Variants in DUOX2 observed in about 807,000 individuals in gnomAD.
DUOX2 encodes dual oxidase 2.
Under a neutral mutation model 183.3 loss-of-function variants are expected in DUOX2, and 185 were observed. The ratio of observed to expected loss-of-function variants is 1.01; its 90% CI spans 0.90 to 1.14. The LOEUF is 1.14. DUOX2 is among the 50% of genes most tolerant of loss of function. The pLI is 0.00. For synonymous variants in DUOX2, 788 were observed against 812.4 expected (o/e 0.97, Z 0.51); for missense variants, 1,999 against 2,022.9 (o/e 0.99, Z 0.23).
chr15:45,105,962 G>T, intron 17 of DUOX2, 134 bp from the exon 18 acceptor site: 1 of 1,379,948 alleles, frequency 7.2e-7, no homozygotes, highest in Non-Finnish European at 1.0e-6. Flanking sequence ...CCAGGTGTGT[G>T]GACGAAGGGG....
At chr15:45,095,635 C>G in intron 30 of DUOX2, 40 bp from the exon 31 acceptor site, 1 of 1,613,912 alleles carries the variant, frequency 6.2e-7, no homozygotes, top group Non-Finnish European at 8.5e-7. Context: ...CCTGACCCTG[C>G]CCCAGCTCTG....
chr15:45,106,980 G>C lies in DUOX2; in HGVS notation c.1694-11C>G, dbSNP rs767088179. On this transcript the variant is annotated splice_polypyrimidine_tract_variant and intron_variant, in intron 14 of 33. Transcript: ENST00000389039. ...GAGGGCAGGGTGCACCTGAGGGAGA[G>C]GGCAGGGAAGACCTCAAAGTCTGAG... 5.1e-6 allele frequency: 8 copies of C among 1,569,876 alleles called. No homozygotes were observed. In the Admixed American group the frequency reaches 9.6e-5, roughly 19 times the overall value.
At chr15:45,101,027 G>C in intron 22 of DUOX2, 178 bp downstream of exon 22, 1 of 710,534 alleles carries the variant, frequency 1.4e-6, no homozygotes, top group Non-Finnish European at 2.5e-6. Context: ...CAGGGAGAGA[G>C]CCAAGCATCC....
rs556008835 is a variant in DUOX2 at position 45,094,602 on chromosome 15, G to A, written c.4485C>T (p.Phe1495=). Residue 1495 remains phenylalanine (F), a synonymous_variant, in exon 33 of 34, where the codon TTC becomes TTT. Coordinates refer to ENST00000389039, the MANE Select transcript of DUOX2 (RefSeq NM_001363711.2). ...RSITHFGRPP[F]EPFFNSLQEV... ...CCTGCAGGGAGTTGAAGAAGGGCTC[G>A]AAGGGGGGACGGCCAAAGTGGGTGA... 42 of 1,614,034 alleles carry A rather than the reference G, an allele frequency of 2.6e-5. No individual in the cohort carries two copies. Among genetic ancestry groups the A allele is most frequent in the Middle Eastern group, 1.7e-4 (1 of 6,056 alleles).
Position 45,097,667 on chromosome 15 carries a change from T to G in DUOX2, c.3640A>C (p.Ser1214Arg). ...TGGGTCAGCCAGAAGCCCCGGAAGC[T>G]GCGGCGGCGGAAGTGGTGGGAGGCG... ...VFASHHFRRR[S>R]FRGFWLTHHL... The change falls in exon 28 of 34, where the codon AGC becomes CGC. Residue 1214 changes from serine to arginine, a missense_variant. Ser to Arg is a moderately radical substitution (Grantham distance 110). This residue lies in a region of DUOX2 where 1,628 missense variants were observed against 1,608.6 expected (regional missense o/e 1.01). Coordinates refer to ENST00000389039, the MANE Select transcript of DUOX2 (RefSeq NM_001363711.2). The G allele has an allele frequency of 1.2e-6, 2 of 1,614,200 alleles. No homozygotes were observed. The highest frequency in any genetic ancestry group is 1.7e-6 in the Non-Finnish European group (2 of 1,180,044).
chr15:45,104,442 A>T, intron 18 of DUOX2, 77 bp from the exon 19 acceptor site: 4 of 1,546,142 alleles, frequency 2.6e-6, no homozygotes, highest in Non-Finnish European at 3.5e-6. Context: ...GTGACCCTTC[A>T]TATCTCCCCA....
Position 45,107,850 on chromosome 15 carries a change from C to CAA in DUOX2, c.1574+195_1574+196dup, listed in dbSNP as rs36025213. ...TGGGTGACAAAGCTAGACTCTGCCT[C>CAA]AAAAAAAAAAAAAAAAAAAAAAGAA... On this transcript the variant is annotated intron_variant, in intron 13 of 33. Transcript: ENST00000389039. Among the ~76,000 whole-genome samples the CAA allele has an allele frequency of 0.035, 1,688 of 48,384 alleles. 84 individuals are homozygous for CAA. The highest frequency in any genetic ancestry group is 0.066 in the East Asian group (88 of 1,342). The allele number at this position is 48,384 out of a possible 152,430, so 31.7% of individuals were successfully genotyped here.
chr15:45,095,353 G>A, intron 31 of DUOX2, 84 bp downstream of exon 31: 2 of 1,581,452 alleles, frequency 1.3e-6, no homozygotes, highest in Non-Finnish European at 1.7e-6. Flanking sequence ...GGAGCCAGGA[G>A]CTTTCTCTCA....
At chr15:45,101,368 G>A in intron 21 of DUOX2, 94 bp from the exon 22 acceptor site, 1 of 1,085,846 alleles carries the variant, frequency 9.2e-7, no homozygotes, top group Admixed American at 1.9e-5. Context: ...GGAAAGTCAT[G>A]TCCAGATCTC....
In DUOX2 at chr15:45,111,846, G is replaced by A. The variant is rs1392666787; in HGVS notation, c.435C>T (p.Arg145=). Residue 145 remains arginine (R), a synonymous_variant, in exon 5 of 34, where the codon CGC becomes CGT. Coordinates refer to ENST00000389039, the MANE Select transcript of DUOX2 (RefSeq NM_001363711.2). The stretch of plus-strand genomic sequence containing the variant: ...TCTGGAAGGGCAGCACCACGTCCCC[G>A]CGCTGGTCGGGGTCGAACACGGGGT... ...PGDPVFDPDQ[R]GDVVLPFQRS... 1 of 1,613,514 alleles carries A rather than the reference G, an allele frequency of 6.2e-7. No individual in the cohort carries two copies. Among genetic ancestry groups the A allele is most frequent in the South Asian group, 1.1e-5 (1 of 91,078 alleles).
At position 45,107,410 on chromosome 15, in the gene DUOX2, A is replaced by G. The variant is rs1894248187; in HGVS notation, c.1628T>C (p.Val543Ala). 1.9e-6 allele frequency: 3 copies of G among 1,614,220 alleles called. No individual in the cohort carries two copies. Among genetic ancestry groups the G allele is most frequent in the Non-Finnish European group, 2.5e-6 (3 of 1,180,038 alleles). ...GTCAATGTTGATAACAGCGACCAGC[A>G]CGTCCCGCAGGGTGGTATTTCGGAT... ...EDIRNTTLRD[V>A]LVAVINIDPS... is the part of the protein sequence containing the mutation. The change falls in exon 14 of 34, where the codon GTG (valine) becomes GCG (alanine). Residue 543 changes from valine (V) to alanine (A), a missense_variant. By Grantham distance (64) the Val-to-Ala change is moderately conservative (BLOSUM62 0). Coordinates refer to ENST00000389039, the MANE Select transcript of DUOX2 (RefSeq NM_001363711.2).
chr15:45,093,986 A>G lies in DUOX2; in HGVS notation c.*164T>C. 3 of 878,460 alleles carry G rather than the reference A, an allele frequency of 3.4e-6. No individual in the cohort carries two copies. The highest frequency in any genetic ancestry group is 2.2e-5 in the Admixed American group (1 of 46,090). 54.4% of individuals were successfully genotyped at this position (878,460 alleles called of 1,614,324 possible). ...TAGTCTCCTGCCTTTTCTCATTTGT[A>G]TAATTGTCTGGGTCAATATTCTCCC... On this transcript the variant is annotated 3_prime_UTR_variant, in exon 34 of 34. Transcript: ENST00000389039.
intron 18 of DUOX2, among the ~76,000 whole-genome samples, chr15:45,105,009 T>TG (rs1447139851): frequency 6.6e-6 from 1 of 152,020 alleles, no homozygotes; most frequent in Admixed American, 6.6e-5. Flanking sequence ...TTAGTAGAGA[T>TG]GGGGTTTCAC....
intron 31 of DUOX2, 99 bp from the exon 32 acceptor site, chr15:45,095,190 C>T: frequency 6.7e-7 from 1 of 1,501,460 alleles, no homozygotes; most frequent in South Asian, 1.3e-5. Flanking sequence ...AGACCACCTG[C>T]AGACACCAAA....
rs1894229026 is a variant in DUOX2 at position 45,106,814 on chromosome 15, G to T, written c.1831+18C>A. The T allele has an allele frequency of 1.3e-6, 2 of 1,597,690 alleles. No individual in the cohort carries two copies. The highest frequency in any genetic ancestry group is 1.7e-6 in the Non-Finnish European group (2 of 1,172,718). On this transcript the variant is annotated intron_variant, in intron 15 of 33. Coordinates refer to ENST00000389039, the MANE Select transcript of DUOX2 (RefSeq NM_001363711.2). Reference sequence around the variant, plus strand: ...GAGGGGCAGGGCCAGTCTGCAGAGAGGCTGCCTAAGAGCTCACCTAAGGGA... The same window carrying T: ...GAGGGGCAGGGCCAGTCTGCAGAGATGCTGCCTAAGAGCTCACCTAAGGGA...
chr15:45,096,655 G>C (rs1277028534), intron 29 of DUOX2, among the ~76,000 whole-genome samples: 1 of 152,206 alleles, frequency 6.6e-6, no homozygotes, highest in African/African-American at 2.4e-5. Flanking sequence ...AAGTGCTGGA[G>C]AGTAGAAAGG....
intron 20 of DUOX2, among the ~76,000 whole-genome samples, chr15:45,102,724 G>A (rs1208562464): frequency 2.0e-5 from 3 of 152,204 alleles, no homozygotes; most frequent in African/African-American, 4.8e-5. Flanking sequence ...GCTCACGCCT[G>A]TAACCCTAGC....
At chr15:45,113,449 T>C in intron 1 of DUOX2, 24 bp from the exon 2 acceptor site, 1 of 1,546,448 alleles carries the variant, frequency 6.5e-7, no homozygotes, top group Non-Finnish European at 8.7e-7. Context: ...GTGGGGGTGG[T>C]AGGTGGTATG....
intron 12 of DUOX2, 115 bp from the exon 13 acceptor site, chr15:45,108,337 G>T: frequency 7.9e-7 from 1 of 1,265,044 alleles, no homozygotes; most frequent in Non-Finnish European, 1.1e-6. Flanking sequence ...GCTCAGGCCT[G>T]ATTTCCTCTT....
Sources: allele counts gnomAD v4.1 joint callset (sites outside exome capture counted in the v4.1 genomes callset), GRCh38; gene constraint gnomAD v4.1.1; regional missense constraint gnomAD v4.1.1; transcripts MANE v1.5; gene names NCBI Gene and HGNC (gene_info 2026-07-23, HGNC 2026-07-21).